The following FAAH2 variants were observed in gnomAD, a reference collection of about 807,000 sequenced individuals.
FAAH2 encodes fatty acid amide hydrolase 2, also known as fatty-acid amide hydrolase 2.
FAAH2 carries 60 observed loss-of-function variants against 36.9 expected under a neutral mutation model. That is an observed-to-expected ratio of 1.63 (90% CI 1.32 to 2.02). FAAH2 has a LOEUF of 2.02. FAAH2 is among the 30% of genes most tolerant of loss of function. FAAH2 has a pLI of 0.00. For synonymous variants in FAAH2, 214 were observed against 143.8 expected, an observed-to-expected ratio of 1.49 and a Z score of -3.49; for missense variants, 689 against 397.5, an observed-to-expected ratio of 1.73 and a Z score of -6.23.
intron 2 of FAAH2, among the ~76,000 whole-genome samples, chrX:57,304,672 C>T (rs2052469438): frequency 9.0e-6 from 1 of 111,712 alleles, no homozygotes; most frequent in African/African-American, 3.3e-5. Context: ...AGAGAGTTGC[C>T]TGAAAAATTG....
At chrX:57,374,330 T>C (rs2054619036) in intron 5 of FAAH2, among the ~76,000 whole-genome samples, 1 of 112,157 alleles carries the variant, frequency 8.9e-6, no homozygotes, top group South Asian at 3.7e-4. Context: ...ATATTGATTC[T>C]ATCCATCTAT....
the FAAH2 span, among the ~76,000 whole-genome samples, chrX:57,269,413 C>A: frequency 9.0e-6 from 1 of 111,384 alleles, no homozygotes; most frequent in African/African-American, 3.3e-5. Context: ...AAAAAAATAA[C>A]AAAATATACA....
the FAAH2 span, among the ~76,000 whole-genome samples, chrX:57,190,236 T>C: frequency 0.013 from 1,409 of 109,535 alleles, 27 homozygotes; most frequent in African/African-American, 0.045. Context: ...TCAGTAATCT[T>C]GGATGCCCAT....
the FAAH2 span, among the ~76,000 whole-genome samples, chrX:57,254,047 C>T: frequency 3.6e-5 from 4 of 109,978 alleles, no homozygotes; most frequent in East Asian, 2.8e-4. Context: ...ACTCACCTCA[C>T]GTGCAAAGAC....
chrX:57,349,239 GTA>G (rs1327568202), intron 5 of FAAH2, among the ~76,000 whole-genome samples: 7 of 57,243 alleles, frequency 1.2e-4, no homozygotes, highest in African/African-American at 2.9e-4. Flanking sequence ...ATGTATATAT[GTA>G]TGTATATCTG....
At chrX:57,286,121 T>A (rs1278109912), upstream of FAAH2, among the ~76,000 whole-genome samples, 6 of 111,840 alleles carry the variant, frequency 5.4e-5, no homozygotes, top group Non-Finnish European at 1.1e-4. Context: ...TTGAACGATC[T>A]GGAAGACATT....
chrX:57,286,775 CA>C lies in FAAH2; in HGVS notation c.-50del. The C allele has an allele frequency of 9.6e-7, 1 of 1,044,733 alleles. No homozygotes were observed. Among genetic ancestry groups the C allele is most frequent in the Non-Finnish European group, 1.2e-6 (1 of 803,315 alleles). The allele number at this position is 1,044,733 out of a possible 1,213,427, so 86.1% of individuals were successfully genotyped here. ...CTTAGTACTTTTCTCGTCCTTTCCC[CA>C]GGGTGCACGTAACCCTCAAGCACTA... On this transcript the variant is annotated 5_prime_UTR_variant, in exon 1 of 11. Transcript: ENST00000374900.
At chrX:57,320,519 A>G (rs757551980) in intron 3 of FAAH2, among the ~76,000 whole-genome samples, 122 of 112,413 alleles carry the variant, frequency 1.1e-3, no homozygotes, top group Non-Finnish European at 2.1e-3. Context: ...TCAGGAAGCA[A>G]CAGATGCTGG....
At chrX:57,222,145 T>G in the FAAH2 span, among the ~76,000 whole-genome samples, 2 of 111,592 alleles carry the variant, frequency 1.8e-5, no homozygotes, top group African/African-American at 6.5e-5. Flanking sequence ...CAGTCCCTCC[T>G]GCCTCCGCAA....
the FAAH2 span, among the ~76,000 whole-genome samples, chrX:57,254,554 C>T: frequency 3.6e-5 from 4 of 111,794 alleles, no homozygotes; most frequent in East Asian, 1.1e-3. Flanking sequence ...TGTAAAAGAA[C>T]AGAAATCACA....
At chrX:57,151,716 G>A in the FAAH2 span, among the ~76,000 whole-genome samples, 1 of 110,556 alleles carries the variant, frequency 9.0e-6, no homozygotes, top group Non-Finnish European at 1.9e-5. Context: ...ATTTCCTCCT[G>A]TAGCTCGGAG....
chrX:57,301,915 G>T (rs181368698), intron 2 of FAAH2, among the ~76,000 whole-genome samples: 1 of 111,755 alleles, frequency 8.9e-6, no homozygotes, highest in Non-Finnish European at 1.9e-5. Context: ...GTTTGTTTTG[G>T]AGCTCCTGAA....
At chrX:57,303,774 C>T (rs771389228) in intron 2 of FAAH2, among the ~76,000 whole-genome samples, 2 of 111,756 alleles carry the variant, frequency 1.8e-5, no homozygotes, top group African/African-American at 3.3e-5. Flanking sequence ...GTGCCTAATT[C>T]GCTACCAAAA....
chrX:57,147,827 C>G, the FAAH2 span, among the ~76,000 whole-genome samples: 1 of 111,851 alleles, frequency 8.9e-6, no homozygotes, highest in African/African-American at 3.2e-5. Flanking sequence ...AGTGATCATT[C>G]AGGAGCAGGT....
the FAAH2 span, among the ~76,000 whole-genome samples, chrX:57,252,173 G>A: frequency 2.7e-5 from 3 of 112,529 alleles, no homozygotes; most frequent in Admixed American, 9.4e-5. Flanking sequence ...GGGGAGGGGC[G>A]TCTGCCATTG....
At position 57,310,612 on chromosome X, in the gene FAAH2, GA is replaced by G; in HGVS notation, c.296del (p.Glu99GlyfsTer5). On this transcript the variant is annotated frameshift_variant, in exon 3 of 11. Coordinates refer to ENST00000374900, the MANE Select transcript of FAAH2 (RefSeq NM_174912.4). LOFTEE classifies it high-confidence loss of function. ...TCTTAGGTTTGAGGAAGCGATGAAG[GA>G]GGCTCATGCTGTAGATCAAAAGCTT... The part of the protein sequence containing the change: ...VKYRFEEAMK[E>X]AHAVDQKLAE... 8.3e-7 allele frequency: 1 copy of G among 1,204,742 alleles called. No individual in the cohort carries two copies.
At chrX:57,476,770 C>T (rs1313502131) in intron 10 of FAAH2, among the ~76,000 whole-genome samples, 1 of 110,270 alleles carries the variant, frequency 9.1e-6, no homozygotes, top group Non-Finnish European at 1.9e-5. Flanking sequence ...GGTACCAGCT[C>T]CTCTTTGTAT....
At chrX:57,475,590 C>A (rs889423279) in intron 10 of FAAH2, among the ~76,000 whole-genome samples, 1 of 111,855 alleles carries the variant, frequency 8.9e-6, no homozygotes, top group Admixed American at 9.5e-5. Flanking sequence ...GTTTTGGTTA[C>A]TGTACCCTTG....
At chrX:57,291,279 C>T (rs780233132) in intron 1 of FAAH2, among the ~76,000 whole-genome samples, 22 of 112,080 alleles carry the variant, frequency 2.0e-4, no homozygotes, top group African/African-American at 6.8e-4. Flanking sequence ...ATGTATTTGC[C>T]AGCTTTATTA....
Sources: allele counts gnomAD v4.1 joint callset (sites outside exome capture counted in the v4.1 genomes callset), GRCh38; gene constraint gnomAD v4.1.1; transcripts MANE v1.5; gene names NCBI Gene and HGNC (gene_info 2026-07-23, HGNC 2026-07-21).